Variants in FBXL7 observed in about 807,000 individuals in gnomAD.
FBXL7 encodes the protein F-box and leucine rich repeat protein 7, also known as F-box/LRR-repeat protein 7.
FBXL7 carries 12 observed loss-of-function variants against 38.3 expected under a neutral mutation model. That is an observed-to-expected ratio of 0.31 (90% CI 0.20 to 0.51). The LOEUF is 0.51. Among genes scored for constraint, FBXL7 ranks in the 20% least tolerant of loss-of-function variants. The pLI, the probability that FBXL7 is intolerant of heterozygous loss-of-function variation, is 0.98. For synonymous variants in FBXL7, 297 were observed against 300.9 expected, an observed-to-expected ratio of 0.99 and a Z score of 0.13; for missense variants, 567 against 676.4, an observed-to-expected ratio of 0.84 and a Z score of 1.79.
chr5:15,517,846 C>T (rs1447460521), intron 1 of FBXL7, among the ~76,000 whole-genome samples: 1 of 152,190 alleles, frequency 6.6e-6, no homozygotes, highest in African/African-American at 2.4e-5. Context: ...GACATCTCAG[C>T]TTCATCCTGT....
At chr5:15,822,898 A>C (rs1738209870) in intron 2 of FBXL7, among the ~76,000 whole-genome samples, 1 of 151,990 alleles carries the variant, frequency 6.6e-6, no homozygotes, top group South Asian at 2.1e-4. Context: ...AGGTTTTCTG[A>C]TTTGGGAGGG....
intron 2 of FBXL7, among the ~76,000 whole-genome samples, chr5:15,739,499 T>C (rs905445040): frequency 1.3e-5 from 2 of 151,438 alleles, no homozygotes; most frequent in African/African-American, 4.8e-5. Flanking sequence ...TTAGAACTTT[T>C]TTTTATCACA....
intron 2 of FBXL7, among the ~76,000 whole-genome samples, chr5:15,870,772 C>T (rs1739921878): frequency 6.6e-6 from 1 of 152,226 alleles, no homozygotes; most frequent in African/African-American, 2.4e-5. Context: ...TTCCTCCTCT[C>T]TGAGCAGGGC....
intron 1 of FBXL7, among the ~76,000 whole-genome samples, chr5:15,531,025 C>T (rs1737404534): frequency 1.3e-5 from 2 of 152,070 alleles, no homozygotes; most frequent in Non-Finnish European, 2.9e-5. Flanking sequence ...ACAGATATGC[C>T]GTAGATCTAT....
chr5:15,856,108 GA>G (rs1739263191), intron 2 of FBXL7, among the ~76,000 whole-genome samples: 2 of 152,090 alleles, frequency 1.3e-5, no homozygotes, highest in South Asian at 4.1e-4. Context: ...TGTGGCTGGG[GA>G]GATCTCAGAA....
At chr5:15,800,545 C>G (rs761243633) in intron 2 of FBXL7, among the ~76,000 whole-genome samples, 1 of 152,166 alleles carries the variant, frequency 6.6e-6, no homozygotes, top group African/African-American at 2.4e-5. Flanking sequence ...CTCCTGCAAG[C>G]CAGGCACTTG....
chr5:15,543,561 TAAGAG>T (rs1737816796), intron 1 of FBXL7, among the ~76,000 whole-genome samples: 1 of 152,172 alleles, frequency 6.6e-6, no homozygotes, highest in African/African-American at 2.4e-5. Flanking sequence ...TCCCTACTCC[TAAGAG>T]TAGTCCAGCA....
At chr5:15,646,444 A>G (rs1435067544) in intron 2 of FBXL7, among the ~76,000 whole-genome samples, 1 of 152,234 alleles carries the variant, frequency 6.6e-6, no homozygotes, top group Non-Finnish European at 1.5e-5. Flanking sequence ...AAAGAATGCC[A>G]GGAAATAATT....
chr5:15,550,004 A>C (rs1738017428), intron 1 of FBXL7, among the ~76,000 whole-genome samples: 1 of 152,166 alleles, frequency 6.6e-6, no homozygotes, highest in Non-Finnish European at 1.5e-5. Flanking sequence ...TTGGGTAGAA[A>C]CCTGAGCCCA....
intron 1 of FBXL7, among the ~76,000 whole-genome samples, chr5:15,549,805 T>C (rs1415050020): frequency 6.6e-6 from 1 of 152,214 alleles, no homozygotes; most frequent in Non-Finnish European, 1.5e-5. Flanking sequence ...CCACCCTGCA[T>C]ATTGCCTCCA....
intron 1 of FBXL7, among the ~76,000 whole-genome samples, chr5:15,553,692 G>A (rs1373701129): frequency 6.6e-6 from 1 of 152,086 alleles, no homozygotes; most frequent in Non-Finnish European, 1.5e-5. Flanking sequence ...GCATTGTTTA[G>A]TTGTAAATAT....
intron 1 of FBXL7, among the ~76,000 whole-genome samples, chr5:15,522,009 T>A (rs1019277464): frequency 6.6e-6 from 1 of 152,240 alleles, no homozygotes; most frequent in Non-Finnish European, 1.5e-5. Flanking sequence ...GTCCATTTGT[T>A]AAGATTTATG....
At chr5:15,537,385 C>A (rs943515206) in intron 1 of FBXL7, among the ~76,000 whole-genome samples, 1 of 151,984 alleles carries the variant, frequency 6.6e-6, no homozygotes, top group Non-Finnish European at 1.5e-5. Context: ...GACTCCAGAC[C>A]AAATACAGAG....
rs1015046189 is a variant in FBXL7 at position 15,655,351 on chromosome 5, T to C, written c.127+39279T>C. On this transcript the variant is annotated intron_variant, in intron 2 of 3. Coordinates refer to ENST00000504595, the MANE Select transcript of FBXL7 (RefSeq NM_012304.5). ...TGTCTACTAAAAATACAAAAATTAATTGTGCATGGTGGCACACACTTGTAG... is the reference window on the plus strand; with the variant it reads ...TGTCTACTAAAAATACAAAAATTAACTGTGCATGGTGGCACACACTTGTAG... Among the ~76,000 whole-genome samples the C allele has an allele frequency of 2.2e-4, 33 of 151,822 alleles. 1 individual carries two copies. Among genetic ancestry groups the C allele is most frequent in the African/African-American group, 7.5e-4 (31 of 41,340 alleles).
At chr5:15,600,654 G>C (rs933165145) in intron 1 of FBXL7, among the ~76,000 whole-genome samples, 1 of 152,264 alleles carries the variant, frequency 6.6e-6, no homozygotes, top group African/African-American at 2.4e-5. Context: ...AAATTGTTTT[G>C]CATTAAATAA....
At chr5:15,674,761 G>T (rs1323089125) in intron 2 of FBXL7, among the ~76,000 whole-genome samples, 1 of 152,132 alleles carries the variant, frequency 6.6e-6, no homozygotes, top group Non-Finnish European at 1.5e-5. Context: ...ATTATCTCAG[G>T]CAATTCTGAT....
intron 1 of FBXL7, chr5:15,580,653 C>T: frequency 6.1e-6 from 6 of 985,362 alleles, no homozygotes; most frequent in Non-Finnish European, 7.2e-6. Flanking sequence ...GAGAAAATAT[C>T]AAAGGCAACA....
At chr5:15,676,866 G>A (rs1186583873) in intron 2 of FBXL7, among the ~76,000 whole-genome samples, 5 of 152,120 alleles carry the variant, frequency 3.3e-5, no homozygotes, top group Admixed American at 3.3e-4. Flanking sequence ...TGACTGCAGT[G>A]GAAGCAGCTT....
chr5:15,829,844 A>T (rs1738406704), intron 2 of FBXL7, among the ~76,000 whole-genome samples: 1 of 152,206 alleles, frequency 6.6e-6, no homozygotes, highest in Non-Finnish European at 1.5e-5. Flanking sequence ...AAGGTGTGAC[A>T]CTTGGATATT....
Sources: allele counts gnomAD v4.1 joint callset (sites outside exome capture counted in the v4.1 genomes callset), GRCh38; gene constraint gnomAD v4.1.1; transcripts MANE v1.5; gene names NCBI Gene and HGNC (gene_info 2026-07-23, HGNC 2026-07-21).